Variants in PLEKHM3 observed in about 807,000 individuals in gnomAD.
The protein encoded by PLEKHM3 is pleckstrin homology domain containing M3.
Under a neutral mutation model 81.8 loss-of-function variants are expected in PLEKHM3, and 45 were observed. The observed-to-expected ratio is 0.55, with a 90% CI of 0.43 to 0.71. The LOEUF (loss-of-function observed/expected upper bound fraction) is 0.71. Among genes scored for constraint, PLEKHM3 ranks in the 30% least tolerant of loss-of-function variants. The probability of loss-of-function intolerance (pLI) is 0.00; values close to 1 mark genes in which losing one functional copy is unlikely to be tolerated. For missense variants in PLEKHM3, 788 were observed against 924.3 expected (o/e 0.85, Z 1.91); for synonymous variants, 352 against 356.4 (o/e 0.99, Z 0.14).
chr2:208,001,934 A>C lies in PLEKHM3; in HGVS notation c.-295T>G. On this transcript the variant is annotated 5_prime_UTR_variant, in exon 2 of 8. It adds an upstream start codon to the 5' untranslated region. Coordinates refer to ENST00000427836, the MANE Select transcript of PLEKHM3 (RefSeq NM_001080475.3). ...GACAACAGCAAGTACTTGTCAAAGCAATGCCACGCCAATCCTTGATTTCCT... is the reference window on the plus strand; with the variant it reads ...GACAACAGCAAGTACTTGTCAAAGCCATGCCACGCCAATCCTTGATTTCCT... The C allele has an allele frequency of 2.7e-6, 1 of 368,672 alleles. No homozygotes were observed. The highest frequency in any genetic ancestry group is 4.9e-6 in the Non-Finnish European group (1 of 202,830). 22.8% of individuals were successfully genotyped at this position (368,672 alleles called of 1,614,324 possible). A position where few individuals can be genotyped will look rare whatever the true frequency, so the allele number is the denominator to read the frequency against.
At chr2:207,923,361 A>G (rs1443106137) in intron 5 of PLEKHM3, among the ~76,000 whole-genome samples, 3 of 152,196 alleles carry the variant, frequency 2.0e-5, no homozygotes, top group Non-Finnish European at 4.4e-5. Context: ...TAATCCCAGT[A>G]CTTTGGGAGG....
chr2:208,000,464 T>C (rs1285282067), intron 2 of PLEKHM3, among the ~76,000 whole-genome samples: 1 of 152,138 alleles, frequency 6.6e-6, no homozygotes, highest in Non-Finnish European at 1.5e-5. Context: ...CATTCACTCT[T>C]ATATGGACAG....
intron 1 of PLEKHM3, among the ~76,000 whole-genome samples, chr2:208,024,680 A>G (rs1163081400): frequency 6.6e-6 from 1 of 152,218 alleles, no homozygotes; most frequent in Non-Finnish European, 1.5e-5. Flanking sequence ...AGAGAAAAAA[A>G]TTCAGCTGTT....
intron 7 of PLEKHM3, among the ~76,000 whole-genome samples, chr2:207,832,206 A>G (rs997489673): frequency 1.3e-5 from 2 of 152,192 alleles, no homozygotes; most frequent in African/African-American, 4.8e-5. Flanking sequence ...ACTAAGTCCT[A>G]TTTTCTAACA....
At chr2:207,957,757 A>G (rs900062789) in intron 3 of PLEKHM3, among the ~76,000 whole-genome samples, 2 of 152,210 alleles carry the variant, frequency 1.3e-5, no homozygotes, top group Non-Finnish European at 2.9e-5. Flanking sequence ...TTTCAGCAGA[A>G]GACATTAATT....
At chr2:207,919,220 G>T (rs190506526) in intron 5 of PLEKHM3, among the ~76,000 whole-genome samples, 1 of 152,298 alleles carries the variant, frequency 6.6e-6, no homozygotes, top group African/African-American at 2.4e-5. Context: ...TAGAAACTAA[G>T]GTAGCAGCCA....
chr2:207,916,468 G>A (rs181866166), intron 5 of PLEKHM3, among the ~76,000 whole-genome samples: 3 of 152,206 alleles, frequency 2.0e-5, no homozygotes, highest in African/African-American at 7.2e-5. Flanking sequence ...GGCCGGGCAC[G>A]GTGGCTCACA....
intron 2 of PLEKHM3, among the ~76,000 whole-genome samples, chr2:207,978,451 T>C (rs1691400673): frequency 1.3e-5 from 2 of 152,196 alleles, no homozygotes; most frequent in East Asian, 1.9e-4. Flanking sequence ...TCCCTGCTAA[T>C]ACTTTTATCT....
At chr2:207,936,577 G>A (rs1308746716) in intron 4 of PLEKHM3, among the ~76,000 whole-genome samples, 2 of 152,076 alleles carry the variant, frequency 1.3e-5, no homozygotes, top group African/African-American at 4.8e-5. Context: ...TGACATCCTA[G>A]CACCAGGGGA....
chr2:208,002,488 T>C (rs1350747745), intron 1 of PLEKHM3, among the ~76,000 whole-genome samples: 1 of 152,216 alleles, frequency 6.6e-6, no homozygotes, highest in Non-Finnish European at 1.5e-5. Context: ...TAATGCTTGA[T>C]GATGACTCTG....
At chr2:207,855,213 C>G (rs1302325017) in intron 7 of PLEKHM3, among the ~76,000 whole-genome samples, 1 of 152,042 alleles carries the variant, frequency 6.6e-6, no homozygotes, top group East Asian at 1.9e-4. Flanking sequence ...ATGCTGAAAA[C>G]CAAACCAAAC....
At chr2:208,023,573 T>C (rs1693199741) in intron 1 of PLEKHM3, among the ~76,000 whole-genome samples, 1 of 152,136 alleles carries the variant, frequency 6.6e-6, no homozygotes, top group Admixed American at 6.5e-5. Flanking sequence ...TAGATTCTCA[T>C]AGGAGCGCAA....
At position 207,826,321 on chromosome 2, in the gene PLEKHM3, T is replaced by C. The variant is rs1041544139; in HGVS notation, c.*1998A>G. On this transcript the variant is annotated 3_prime_UTR_variant, in exon 8 of 8. Transcript: ENST00000427836. ...TTACCAAGAGGAGGAGGAAAGGAGATGATCAAATTTGTTTGCCTGTTGCCA... is the reference window on the plus strand; with the variant it reads ...TTACCAAGAGGAGGAGGAAAGGAGACGATCAAATTTGTTTGCCTGTTGCCA... 3.3e-5 allele frequency: 5 copies of C among 152,326 alleles called. No homozygotes were observed. The East Asian group carries it at 9.6e-4, about 29-fold the overall frequency. 9.4% of individuals were successfully genotyped at this position (152,326 alleles called of 1,614,324 possible).
At chr2:207,944,740 T>G (rs915068900) in intron 4 of PLEKHM3, among the ~76,000 whole-genome samples, 6 of 152,220 alleles carry the variant, frequency 3.9e-5, no homozygotes, top group Non-Finnish European at 1.5e-5. Context: ...TCTTATTCCA[T>G]GCTCCAAGCA....
intron 2 of PLEKHM3, among the ~76,000 whole-genome samples, chr2:208,000,602 TG>T (rs1229279005): frequency 2.6e-5 from 4 of 152,210 alleles, no homozygotes; most frequent in Non-Finnish European, 5.9e-5. Context: ...GGGCAGGGAT[TG>T]TGTCTTCACA....
intron 3 of PLEKHM3, among the ~76,000 whole-genome samples, chr2:207,960,682 T>G (rs112906546): frequency 2.3e-4 from 35 of 152,236 alleles, no homozygotes; most frequent in African/African-American, 8.4e-4. Flanking sequence ...CTCAGATGCA[T>G]GTTGGTGGGT....
At chr2:207,903,625 T>C (rs974853049) in intron 6 of PLEKHM3, among the ~76,000 whole-genome samples, 1 of 152,250 alleles carries the variant, frequency 6.6e-6, no homozygotes, top group Non-Finnish European at 1.5e-5. Flanking sequence ...AATTCTCCTA[T>C]CATTTACACA....
intron 4 of PLEKHM3, among the ~76,000 whole-genome samples, chr2:207,941,082 G>A (rs1318719314): frequency 1.3e-5 from 2 of 152,144 alleles, no homozygotes; most frequent in East Asian, 3.9e-4. Flanking sequence ...ACACAGAGTT[G>A]CCCAGGGATA....
chr2:207,969,454 T>A (rs987162033), intron 3 of PLEKHM3, among the ~76,000 whole-genome samples: 18 of 152,246 alleles, frequency 1.2e-4, no homozygotes, highest in African/African-American at 3.4e-4. Flanking sequence ...GGTAAAGGTA[T>A]CCTTTATGTC....
Sources: allele counts gnomAD v4.1 joint callset (sites outside exome capture counted in the v4.1 genomes callset), GRCh38; gene constraint gnomAD v4.1.1; transcripts MANE v1.5; gene names NCBI Gene and HGNC (gene_info 2026-07-23, HGNC 2026-07-21).